CLIP1: variants seen among roughly 807,000 people sequenced by gnomAD.
CLIP1 encodes the protein CAP-Gly domain containing linker protein 1.
Under a neutral mutation model 161.6 loss-of-function variants are expected in CLIP1, and 66 were observed. The ratio of observed to expected loss-of-function variants is 0.41; its 90% CI spans 0.33 to 0.50. The LOEUF (loss-of-function observed/expected upper bound fraction) is 0.50, where lower values mean the gene tolerates loss of function less well. Among genes scored for constraint, CLIP1 ranks in the 20% least tolerant of loss-of-function variants. CLIP1 has a pLI of 0.27. For synonymous variants in CLIP1, 598 were observed against 626.2 expected (o/e 0.96, Z 0.67); for missense variants, 1,376 against 1,702.0 (o/e 0.81, Z 3.37).
At chr12:122,283,227 G>T (rs192574669) in intron 21 of CLIP1, among the ~76,000 whole-genome samples, 6 of 152,190 alleles carry the variant, frequency 3.9e-5, no homozygotes. Context: ...AGCAATGCAA[G>T]GCATACCCTG....
rs753790178 is a variant in CLIP1 at position 122,377,905 on chromosome 12, T to C, written c.141A>G (p.Ser47=). ...CCACAAATTCCTCCTGAGTCTCAGA[T>C]GATGGAGTGCTTGATGCTTTTTCAC... The part of the protein sequence containing the change: ...ISSEKASSTP[S]SETQEEFVDD... The change falls in exon 3 of 26, where the codon TCA becomes TCG. Residue 47 remains serine (S), a synonymous_variant. Transcript: ENST00000620786. 9.3e-6 allele frequency: 15 copies of C among 1,613,804 alleles called. No homozygotes were observed. Among genetic ancestry groups the C allele is most frequent in the Non-Finnish European group, 1.1e-5 (13 of 1,179,992 alleles).
chr12:122,386,374 C>G (rs1955260177), intron 1 of CLIP1, among the ~76,000 whole-genome samples: 1 of 151,990 alleles, frequency 6.6e-6, no homozygotes, highest in East Asian at 1.9e-4. Flanking sequence ...TCCAAAAAGT[C>G]TAGAAAAAGG....
At chr12:122,320,916 G>A (rs545557542) in intron 17 of CLIP1, among the ~76,000 whole-genome samples, 2 of 151,568 alleles carry the variant, frequency 1.3e-5, no homozygotes, top group African/African-American at 4.8e-5. Context: ...CACCATGTTG[G>A]CCAGGATGGT....
intron 20 of CLIP1, among the ~76,000 whole-genome samples, chr12:122,290,559 A>G (rs971889029): frequency 3.9e-5 from 6 of 152,038 alleles, no homozygotes; most frequent in Non-Finnish European, 7.4e-5. Context: ...TCAATACTTA[A>G]AACTGGAAAA....
chr12:122,411,479 G>A (rs1956530869), intron 1 of CLIP1, among the ~76,000 whole-genome samples: 2 of 152,254 alleles, frequency 1.3e-5, no homozygotes, highest in Non-Finnish European at 2.9e-5. Flanking sequence ...GAGACAAAAA[G>A]TAGAAACAAT....
At chr12:122,349,130 C>T (rs904580416) in intron 9 of CLIP1, among the ~76,000 whole-genome samples, 2 of 152,274 alleles carry the variant, frequency 1.3e-5, no homozygotes, top group African/African-American at 4.8e-5. Flanking sequence ...AATTTCCCTG[C>T]TTTTATAAGA....
At chr12:122,377,288 G>A (rs1954786105) in intron 3 of CLIP1, 101 bp downstream of exon 3, 6 of 1,096,264 alleles carry the variant, frequency 5.5e-6, no homozygotes, top group Non-Finnish European at 8.0e-6. Flanking sequence ...GATTATAGGT[G>A]TGAGCCACCG....
chr12:122,287,513 G>A (rs1286892063), intron 21 of CLIP1, among the ~76,000 whole-genome samples: 2 of 152,152 alleles, frequency 1.3e-5, no homozygotes, highest in Non-Finnish European at 2.9e-5. Context: ...CACCCATTCT[G>A]CAGCACCCAC....
At chr12:122,403,709 C>A (rs1169929824) in intron 1 of CLIP1, among the ~76,000 whole-genome samples, 1 of 151,728 alleles carries the variant, frequency 6.6e-6, no homozygotes, top group African/African-American at 2.4e-5. Context: ...TTAGTAGAGA[C>A]AGGGTTTCAC....
chr12:122,345,402 C>T (rs1043519466), intron 10 of CLIP1, among the ~76,000 whole-genome samples: 1 of 152,014 alleles, frequency 6.6e-6, no homozygotes, highest in Non-Finnish European at 1.5e-5. Flanking sequence ...CTCAGGTGAT[C>T]CTCCTGCCTT....
Position 122,311,113 on chromosome 12 carries a change from T to C in CLIP1, c.3474-1231A>G, listed in dbSNP as rs1399356543. Among the ~76,000 whole-genome samples the C allele has an allele frequency of 6.6e-6, 1 of 152,176 alleles. No homozygotes were observed. The highest frequency in any genetic ancestry group is 1.5e-5 in the Non-Finnish European group (1 of 68,030). ...GAATCTCTCTCTATATATGTATATA[T>C]GTATATACATGCACATACACACATA... On this transcript the variant is annotated intron_variant, in intron 19 of 25. Coordinates refer to ENST00000620786, the MANE Select transcript of CLIP1 (RefSeq NM_001247997.2). This position sits in a 1 kb window ranked among gnomAD's most constrained non-coding sequence, Gnocchi z 4.3.
At chr12:122,379,342 G>A (rs1228465273) in intron 2 of CLIP1, among the ~76,000 whole-genome samples, 1 of 150,284 alleles carries the variant, frequency 6.7e-6, no homozygotes, top group Non-Finnish European at 1.5e-5. Flanking sequence ...GGCCTGGCAT[G>A]GTGGCTCATG....
chr12:122,334,176 G>A (rs756397718), intron 13 of CLIP1, 66 bp from the exon 14 acceptor site: 41 of 973,388 alleles, frequency 4.2e-5, no homozygotes, highest in Non-Finnish European at 6.6e-5. Flanking sequence ...GAGCTTGGCT[G>A]TCTTACAACC....
At chr12:122,382,860 T>G (rs1013403925) in intron 1 of CLIP1, among the ~76,000 whole-genome samples, 6 of 152,146 alleles carry the variant, frequency 3.9e-5, no homozygotes, top group Admixed American at 1.3e-4. Context: ...CCATCACCAC[T>G]GCCATCAGTG....
intron 5 of CLIP1, among the ~76,000 whole-genome samples, chr12:122,358,286 G>T (rs1485562826): frequency 6.6e-6 from 1 of 151,632 alleles, no homozygotes; most frequent in African/African-American, 2.4e-5. Context: ...CAAGTACCCA[G>T]GGACACAAAC....
chr12:122,375,747 A>G (rs1263574712), intron 3 of CLIP1, among the ~76,000 whole-genome samples: 1 of 152,124 alleles, frequency 6.6e-6, no homozygotes, highest in Non-Finnish European at 1.5e-5. Context: ...GGGAAAAAAA[A>G]TCCAATTTTT....
intron 10 of CLIP1, 63 bp from the exon 11 acceptor site, chr12:122,341,760 T>A (rs1280619757): frequency 9.3e-6 from 4 of 431,524 alleles, no homozygotes; most frequent in Non-Finnish European, 1.3e-5. Context: ...CTATTTTCTT[T>A]TCTTTTTTTT....
chr12:122,361,688 A>G (rs1056675008), intron 4 of CLIP1, among the ~76,000 whole-genome samples: 2 of 152,194 alleles, frequency 1.3e-5, no homozygotes, highest in South Asian at 2.1e-4. Flanking sequence ...CAATATGGAC[A>G]GACCCCGTCT....
At chr12:122,320,641 T>C (rs1011481263) in intron 17 of CLIP1, among the ~76,000 whole-genome samples, 1 of 149,816 alleles carries the variant, frequency 6.7e-6, no homozygotes, top group Non-Finnish European at 1.5e-5. Flanking sequence ...GGAGAATCGC[T>C]TGAACCCGGG....
Sources: allele counts gnomAD v4.1 joint callset (sites outside exome capture counted in the v4.1 genomes callset), GRCh38; gene constraint gnomAD v4.1.1; non-coding constraint Gnocchi (gnomAD v3.1); transcripts MANE v1.5; gene names NCBI Gene and HGNC (gene_info 2026-07-23, HGNC 2026-07-21).